Variants in SERPINB2 observed in about 807,000 individuals in gnomAD.
SERPINB2 encodes serpin family B member 2, also known as plasminogen activator inhibitor 2.
Under a neutral mutation model 39.4 loss-of-function variants are expected in SERPINB2, and 28 were observed. The ratio of observed to expected loss-of-function variants is 0.71; its 90% CI spans 0.53 to 0.97. The LOEUF (loss-of-function observed/expected upper bound fraction) is 0.97. Among genes scored for constraint, SERPINB2 ranks in the 50% least tolerant of loss-of-function variants. SERPINB2 has a pLI of 0.00. For synonymous variants in SERPINB2, 209 were observed against 175.1 expected (o/e 1.19, Z -1.53); for missense variants, 557 against 505.3 (o/e 1.10, Z -0.98).
rs1000159137 is a variant in SERPINB2, at chr18:63,891,437, T to C, written c.-8T>C. ...TTTTCTTCCTCTCTTTGCTTCTAGA[T>C]TGAAACAATGGAGGATCTTTGTGTG... is the stretch of plus-strand genomic sequence containing the variant. On this transcript the variant is annotated splice_region_variant and 5_prime_UTR_variant, in exon 2 of 8. Transcript: ENST00000299502. The C allele has an allele frequency of 2.5e-6, 4 of 1,613,994 alleles. No individual in the cohort carries two copies. Among genetic ancestry groups the C allele is most frequent in the Middle Eastern group, 3.3e-4 (2 of 6,058 alleles).
At chr18:63,891,697 T>C in intron 2 of SERPINB2, 85 bp downstream of exon 2, 1 of 1,350,538 alleles carries the variant, frequency 7.4e-7, no homozygotes, top group East Asian at 2.5e-5. Context: ...GCTAAAGACA[T>C]TTTAACTCAG....
Position 63,902,582 on chromosome 18 carries a change from A to C in SERPINB2, c.843+14A>C, listed in dbSNP as rs377197037. 2 of 1,575,852 alleles carry C rather than the reference A, an allele frequency of 1.3e-6. No individual in the cohort carries two copies. The highest frequency in any genetic ancestry group is 1.7e-6 in the Non-Finnish European group (2 of 1,163,188). On this transcript the variant is annotated intron_variant, in intron 7 of 7. Coordinates refer to ENST00000299502, the MANE Select transcript of SERPINB2 (RefSeq NM_002575.3). ...GGCTTGGAGCTGGTAAGACATTCAG[A>C]TATTTAAGTTTCTGGGGCTATACCT...
chr18:63,901,147 C>G (rs1328720273), intron 5 of SERPINB2, among the ~76,000 whole-genome samples: 1 of 152,052 alleles, frequency 6.6e-6, no homozygotes, highest in Non-Finnish European at 1.5e-5. Context: ...GATCATAGTA[C>G]TCAATATATT....
At position 63,903,375 on chromosome 18, in the gene SERPINB2, T is replaced by C. The variant is rs191224376; in HGVS notation, c.*70T>C. On this transcript the variant is annotated 3_prime_UTR_variant, in exon 8 of 8. Transcript: ENST00000299502. The stretch of plus-strand genomic sequence containing the variant: ...TGTGCCTCAGAATTGCTATTTCAAA[T>C]TGCCAAAAATTTAGAGATGTTTTCT... 3.2e-4 allele frequency: 459 copies of C among 1,416,360 alleles called. 1 individual carries two copies. Among genetic ancestry groups the C allele is most frequent in the Non-Finnish European group, 5.9e-5 (63 of 1,074,538 alleles). The allele number at this position is 1,416,360 out of a possible 1,614,324, so 87.7% of individuals were successfully genotyped here.
At chr18:63,902,242 T>C (rs914119032) in intron 6 of SERPINB2, among the ~76,000 whole-genome samples, 162 bp from the exon 7 acceptor site, 5 of 152,156 alleles carry the variant, frequency 3.3e-5, no homozygotes, top group African/African-American at 1.2e-4. Context: ...GCTAATAACA[T>C]CAGAGTACCC....
At chr18:63,894,558 G>A (rs1260518058) in intron 2 of SERPINB2, among the ~76,000 whole-genome samples, 1 of 152,164 alleles carries the variant, frequency 6.6e-6, no homozygotes, top group Non-Finnish European at 1.5e-5. Context: ...CAGCTTGCAG[G>A]TATTAAGACT....
chr18:63,899,260 A>G (rs1459981914), intron 5 of SERPINB2, among the ~76,000 whole-genome samples: 1 of 151,980 alleles, frequency 6.6e-6, no homozygotes, highest in Admixed American at 6.5e-5. Flanking sequence ...AGTGTTAGCC[A>G]TATATGGCCT....
In SERPINB2 at chr18:63,895,326, C is replaced by A; in HGVS notation, c.231C>A (p.Thr77=). 6.2e-7 allele frequency: 1 copy of A among 1,614,030 alleles called. No homozygotes were observed. Among genetic ancestry groups the A allele is most frequent in the Non-Finnish European group, 8.5e-7 (1 of 1,179,964 alleles). ...CCCCCATGACTCCAGAGAACTTTAC[C>A]AGCTGTGGGTTCATGCAGCAGATCC... The part of the protein sequence containing the change: ...AVTPMTPENF[T]SCGFMQQIQK... The change falls in exon 3 of 8, where the codon ACC becomes ACA. Residue 77 remains threonine (T), a synonymous_variant. Coordinates refer to ENST00000299502, the MANE Select transcript of SERPINB2 (RefSeq NM_002575.3).
chr18:63,893,693 T>C (rs1424328423), intron 2 of SERPINB2, among the ~76,000 whole-genome samples: 1 of 152,212 alleles, frequency 6.6e-6, no homozygotes, highest in African/African-American at 2.4e-5. Context: ...TAAAAATGTG[T>C]AGCATGCAAG....
chr18:63,895,373 C>A lies in SERPINB2; in HGVS notation c.278C>A (p.Ala93Glu), dbSNP rs919990365. ...ATCCAGAAGGGTAGTTATCCTGATG[C>A]GATTTTGCAGGTATCTGACTTACTG... ...QQIQKGSYPD[A>E]ILQAQAADKI... The change falls in exon 3 of 8, where the codon GCG (alanine) becomes GAG (glutamate). Residue 93 changes from alanine to glutamate, a missense_variant. Physicochemically the swap from Ala to Glu is moderately radical, Grantham distance 107 (BLOSUM62 -1). Coordinates refer to ENST00000299502, the MANE Select transcript of SERPINB2 (RefSeq NM_002575.3). 4 of 1,613,726 alleles carry A rather than the reference C, an allele frequency of 2.5e-6. No individual in the cohort carries two copies. The African/African-American group carries it at 5.3e-5, about 22-fold the overall frequency.
chr18:63,897,970 G>A (rs923713907), intron 5 of SERPINB2, 126 bp downstream of exon 5: 6 of 664,486 alleles, frequency 9.0e-6, no homozygotes, highest in Non-Finnish European at 1.6e-5. Context: ...TACTTTGGTG[G>A]ATGTGAATTT....
intron 3 of SERPINB2, among the ~76,000 whole-genome samples, chr18:63,896,007 C>T (rs1359070595): frequency 1.3e-5 from 2 of 152,160 alleles, no homozygotes; most frequent in African/African-American, 2.4e-5. Context: ...TACTCCATTT[C>T]CTTAAATGTC....
At position 63,887,732 on chromosome 18, in the gene SERPINB2, G is replaced by C. The variant is rs2288288; in HGVS notation, c.-48G>C. 1 of 152,154 alleles carries C rather than the reference G, an allele frequency of 6.6e-6. No individual in the cohort carries two copies. Among genetic ancestry groups the C allele is most frequent in the Admixed American group, 6.5e-5 (1 of 15,280 alleles). 9.4% of individuals were successfully genotyped at this position (152,154 alleles called of 1,614,324 possible). On this transcript the variant is annotated 5_prime_UTR_variant, in exon 1 of 8. Transcript: ENST00000299502. ...AACAACTCTCAGAGGAGCATTGCCC[G>C]TCAGACAGCAACTCAGAGAATAACC...
Position 63,903,308 on chromosome 18 carries a change from C to CCTG in SERPINB2, c.*3_*4insCTG. ...TCGGCAGATTTTCCTCACCCTAAAA[C>CCTG]TAAGCGTGCTGCTTCTGCAAAAGAT... is the stretch of plus-strand genomic sequence containing the variant. On this transcript the variant is annotated 3_prime_UTR_variant, in exon 8 of 8. Coordinates refer to ENST00000299502, the MANE Select transcript of SERPINB2 (RefSeq NM_002575.3). 1 of 1,493,684 alleles carries CCTG rather than the reference C, an allele frequency of 6.7e-7. No homozygotes were observed. Among genetic ancestry groups the CCTG allele is most frequent in the Non-Finnish European group, 8.9e-7 (1 of 1,122,234 alleles). The allele number at this position is 1,493,684 out of a possible 1,614,324, so 92.5% of individuals were successfully genotyped here.
At chr18:63,896,880 T>C (rs2114379) in intron 3 of SERPINB2, among the ~76,000 whole-genome samples, 43,311 of 151,800 alleles carry the variant, frequency 0.29, 6,722 homozygotes, top group East Asian at 0.48. Context: ...CAGAGCAAAA[T>C]TGGAAAGAAA....
rs950819396 is a variant in SERPINB2 at position 63,897,847 on chromosome 18, A to G, written c.535+3A>G. On this transcript the variant is annotated splice_donor_region_variant and intron_variant, in intron 5 of 7. Transcript: ENST00000299502. ...CTGGGTCAAGACTCAAACCAAAGGT[A>G]AATCCAAGAAAATATTTTATTTACT... 1 of 1,511,464 alleles carries G rather than the reference A, an allele frequency of 6.6e-7. No individual in the cohort carries two copies. The highest frequency in any genetic ancestry group is 1.4e-5 in the African/African-American group (1 of 71,516). 93.6% of individuals were successfully genotyped at this position (1,511,464 alleles called of 1,614,324 possible). A position where few individuals can be genotyped will look rare whatever the true frequency, so the allele number is the denominator to read the frequency against.
In SERPINB2 at chr18:63,903,167, C is replaced by T. The variant is rs370695949; in HGVS notation, c.1110C>T (p.Ala370=). The change falls in exon 8 of 8, where the codon GCC becomes GCT. Residue 370 remains alanine (A), a synonymous_variant. Transcript: ENST00000299502. ...VDVNEEGTEA[A]AGTGGVMTGR... ...TGAATGAGGAGGGCACTGAAGCAGC[C>T]GCTGGCACAGGAGGTGTTATGACAG... 12 of 1,613,544 alleles carry T rather than the reference C, an allele frequency of 7.4e-6. No individual in the cohort carries two copies. Among genetic ancestry groups the T allele is most frequent in the East Asian group, 2.2e-5 (1 of 44,862 alleles).
chr18:63,891,584 G>A lies in SERPINB2; in HGVS notation c.140G>A (p.Arg47Lys), dbSNP rs776791041. 2 of 1,613,968 alleles carry A rather than the reference G, an allele frequency of 1.2e-6. No individual in the cohort carries two copies. Among genetic ancestry groups the A allele is most frequent in the Non-Finnish European group, 1.7e-6 (2 of 1,179,924 alleles). Residue 47 changes from arginine to lysine, a missense_variant, in exon 2 of 8, where the codon AGG (arginine) becomes AAG (lysine). Transcript: ENST00000299502. ...ATGGCCATGGTCTACATGGGCTCCA[G>A]GGGCAGCACCGAAGACCAGATGGCC... ...STMAMVYMGS[R>K]GSTEDQMAKV...
In SERPINB2 at chr18:63,897,844, G is replaced by T. The variant is rs753687273; in HGVS notation, c.535G>T (p.Gly179Cys). ...INSWVKTQTK[G>C]KIPNLLPEGS... ...TTCCTGGGTCAAGACTCAAACCAAA[G>T]GTAAATCCAAGAAAATATTTTATTT... The change falls in exon 5 of 8, where the codon GGC becomes TGC. Residue 179 changes from glycine (G) to cysteine (C), a missense_variant and splice_region_variant. Transcript: ENST00000299502. The T allele has an allele frequency of 7.7e-6, 12 of 1,552,940 alleles. No individual in the cohort carries two copies. The South Asian group carries it at 9.2e-5, about 12-fold the overall frequency.
Sources: allele counts gnomAD v4.1 joint callset (sites outside exome capture counted in the v4.1 genomes callset), GRCh38; gene constraint gnomAD v4.1.1; transcripts MANE v1.5; gene names NCBI Gene and HGNC (gene_info 2026-07-23, HGNC 2026-07-21).